The following SCHIP1 variants were observed in gnomAD, a reference collection of about 807,000 sequenced individuals.
SCHIP1 encodes schwannomin-interacting protein 1.
SCHIP1 carries 8 observed loss-of-function variants against 29.7 expected under a neutral mutation model. That is an observed-to-expected ratio of 0.27 (90% CI 0.16 to 0.49). The LOEUF (loss-of-function observed/expected upper bound fraction) is 0.49. SCHIP1 is among the 20% of genes least tolerant of loss of function. The probability of loss-of-function intolerance (pLI) is 0.99; values close to 1 mark genes in which losing one functional copy is unlikely to be tolerated. For missense variants in SCHIP1, 193 were observed against 294.6 expected (o/e 0.66, Z 2.52); for synonymous variants, 76 against 94.9 (o/e 0.80, Z 1.16).
At chr3:159,778,155 A>C in the SCHIP1 span, among the ~76,000 whole-genome samples, 1 of 152,048 alleles carries the variant, frequency 6.6e-6, no homozygotes. Flanking sequence ...CAGCACGCCC[A>C]GCTAATTTTT....
the SCHIP1 span, among the ~76,000 whole-genome samples, chr3:159,397,562 C>G: frequency 6.6e-6 from 1 of 152,076 alleles, no homozygotes; most frequent in Non-Finnish European, 1.5e-5. Flanking sequence ...AGCTGCAGGT[C>G]TGTTGGAGTA....
At chr3:159,721,811 G>A in the SCHIP1 span, 1 of 419,292 alleles carries the variant, frequency 2.4e-6, no homozygotes, top group Non-Finnish European at 4.7e-6. Flanking sequence ...CATCCTCCAT[G>A]GAAATGATAT....
the SCHIP1 span, among the ~76,000 whole-genome samples, chr3:159,618,434 C>A: frequency 1.3e-5 from 2 of 152,244 alleles, no homozygotes; most frequent in African/African-American, 4.8e-5. Context: ...ATTTCATATG[C>A]TGAACTGTTT....
chr3:159,760,549 T>C, the SCHIP1 span, among the ~76,000 whole-genome samples: 2,235 of 152,336 alleles, frequency 0.015, 54 homozygotes, highest in African/African-American at 0.051. Flanking sequence ...GTGGGGATAA[T>C]AGTAGTTTCT....
chr3:159,296,537 G>A, the SCHIP1 span, among the ~76,000 whole-genome samples: 1 of 152,242 alleles, frequency 6.6e-6, no homozygotes, highest in South Asian at 2.1e-4. Flanking sequence ...ATTTTGGGAG[G>A]CTGAGGTGGG....
At chr3:159,432,327 T>C in the SCHIP1 span, among the ~76,000 whole-genome samples, 2 of 106,250 alleles carry the variant, frequency 1.9e-5, no homozygotes, top group Non-Finnish European at 4.3e-5. Context: ...TGTGTGTGTG[T>C]GTGTGTGTGT....
the SCHIP1 span, among the ~76,000 whole-genome samples, chr3:159,312,039 G>A: frequency 6.6e-6 from 1 of 152,168 alleles, no homozygotes; most frequent in African/African-American, 2.4e-5. Context: ...AAAAGGGCAA[G>A]GAAGTTATAA....
the SCHIP1 span, among the ~76,000 whole-genome samples, chr3:159,287,284 T>C: frequency 1.3e-5 from 2 of 151,752 alleles, no homozygotes; most frequent in Admixed American, 1.3e-4. Context: ...TATACTATAC[T>C]TTTTCTATTC....
chr3:159,541,000 T>C, the SCHIP1 span, among the ~76,000 whole-genome samples: 5 of 152,072 alleles, frequency 3.3e-5, no homozygotes, highest in Non-Finnish European at 7.4e-5. Flanking sequence ...AAAAAGACTC[T>C]GACACATTGC....
At chr3:159,584,178 T>A in the SCHIP1 span, among the ~76,000 whole-genome samples, 1 of 152,166 alleles carries the variant, frequency 6.6e-6, no homozygotes, top group Non-Finnish European at 1.5e-5. Flanking sequence ...TTAAAAACAG[T>A]CAAAAAACCC....
the SCHIP1 span, among the ~76,000 whole-genome samples, chr3:159,704,417 TA>T: frequency 0.018 from 1,690 of 92,610 alleles, 17 homozygotes; most frequent in Middle Eastern, 0.068. Context: ...CAATTTTTTC[TA>T]AAAAAAAAAA....
chr3:159,450,479 C>A, the SCHIP1 span, among the ~76,000 whole-genome samples: 1 of 152,176 alleles, frequency 6.6e-6, no homozygotes, highest in Non-Finnish European at 1.5e-5. Context: ...GTAACTAAGG[C>A]TTTTGGAAGT....
At chr3:159,765,153 G>A in the SCHIP1 span, 1 of 1,548,144 alleles carries the variant, frequency 6.5e-7, no homozygotes, top group Non-Finnish European at 8.7e-7. Flanking sequence ...GTTGGCCGGG[G>A]TGCGTGCCCA....
At chr3:159,554,005 TG>T in the SCHIP1 span, among the ~76,000 whole-genome samples, 23 of 126,882 alleles carry the variant, frequency 1.8e-4, no homozygotes, top group African/African-American at 8.9e-4. Flanking sequence ...TGTGTGTGTG[TG>T]TGTGTGTGTG....
chr3:159,388,146 G>T, the SCHIP1 span, among the ~76,000 whole-genome samples: 1 of 152,114 alleles, frequency 6.6e-6, no homozygotes, highest in Non-Finnish European at 1.5e-5. Context: ...ATATTGGAAA[G>T]AAGGAGAGCA....
chr3:159,870,731 A>G (rs1385578058), intron 2 of SCHIP1, among the ~76,000 whole-genome samples: 1 of 152,042 alleles, frequency 6.6e-6, no homozygotes, highest in Non-Finnish European at 1.5e-5. Context: ...TTAGGTTTAT[A>G]TTCATGATTG....
chr3:159,788,367 T>C, the SCHIP1 span, among the ~76,000 whole-genome samples: 6 of 152,356 alleles, frequency 3.9e-5, no homozygotes, highest in African/African-American at 1.4e-4. Context: ...ATGCAGTCAC[T>C]GCACTTAAAA....
At chr3:159,841,620 CT>C (rs1449095289) in intron 1 of SCHIP1, among the ~76,000 whole-genome samples, 1 of 152,090 alleles carries the variant, frequency 6.6e-6, no homozygotes, top group Non-Finnish European at 1.5e-5. Context: ...TTCCATATGT[CT>C]TTTCATTAGG....
At chr3:159,338,075 C>G in the SCHIP1 span, among the ~76,000 whole-genome samples, 1 of 152,172 alleles carries the variant, frequency 6.6e-6, no homozygotes, top group Admixed American at 6.6e-5. Context: ...TTGCTGAGTT[C>G]CCTTTGTGCC....
Sources: gnomAD v4.1 joint callset for allele counts (sites outside exome capture counted in the v4.1 genomes callset) on GRCh38, gnomAD v4.1.1 for gene constraint, MANE v1.5 for transcripts, NCBI Gene and HGNC (gene_info 2026-07-23, HGNC 2026-07-21) for gene names.